The following GMDS variants were observed in gnomAD, a reference collection of about 807,000 sequenced individuals.
GMDS encodes the protein GDP-mannose 4,6 dehydratase.
GMDS carries 20 observed loss-of-function variants against 49.9 expected under a neutral mutation model. The ratio of observed to expected loss-of-function variants is 0.40; its 90% CI spans 0.28 to 0.58. The LOEUF (loss-of-function observed/expected upper bound fraction) is 0.58, where lower values mean the gene tolerates loss of function less well. GMDS is among the 20% of genes least tolerant of loss of function. The probability of loss-of-function intolerance (pLI) is 0.42; values close to 1 mark genes in which losing one functional copy is unlikely to be tolerated. For missense variants in GMDS, 362 were observed against 481.4 expected, an observed-to-expected ratio of 0.75 and a Z score of 2.32; for synonymous variants, 177 against 178.6, an observed-to-expected ratio of 0.99 and a Z score of 0.07.
chr6:1,956,295 A>T (rs886309710), intron 6 of GMDS, among the ~76,000 whole-genome samples: 1 of 152,198 alleles, frequency 6.6e-6, no homozygotes, highest in East Asian at 1.9e-4. Flanking sequence ...ATGATATATA[A>T]ACAAGTGCAT....
chr6:1,700,730 C>A (rs1765513600), intron 9 of GMDS, among the ~76,000 whole-genome samples: 1 of 152,194 alleles, frequency 6.6e-6, no homozygotes, highest in Non-Finnish European at 1.5e-5. Flanking sequence ...AGAAAGAAGA[C>A]TGCAGGTGCC....
At chr6:1,863,297 A>AG (rs1758281297) in intron 7 of GMDS, among the ~76,000 whole-genome samples, 1 of 152,186 alleles carries the variant, frequency 6.6e-6, no homozygotes, top group Admixed American at 6.5e-5. Context: ...CAAGTAAAAA[A>AG]GAAAATGTTT....
chr6:1,748,277 TTTC>T (rs1160470783), intron 7 of GMDS, among the ~76,000 whole-genome samples: 1 of 152,202 alleles, frequency 6.6e-6, no homozygotes, highest in Non-Finnish European at 1.5e-5. Flanking sequence ...TATATATTTA[TTTC>T]TTCTATTTAT....
intron 4 of GMDS, among the ~76,000 whole-genome samples, chr6:2,069,204 G>A (rs1156841926): frequency 6.6e-6 from 1 of 152,132 alleles, no homozygotes; most frequent in Non-Finnish European, 1.5e-5. Flanking sequence ...TGGGAAAACT[G>A]GCTAGCCCTA....
chr6:1,799,857 C>T (rs1205400744), intron 7 of GMDS, among the ~76,000 whole-genome samples: 14 of 152,182 alleles, frequency 9.2e-5, no homozygotes, highest in Non-Finnish European at 1.9e-4. Flanking sequence ...CACAAGAAAA[C>T]TCAACCACTA....
chr6:1,697,196 G>T (rs1765373801), intron 9 of GMDS, among the ~76,000 whole-genome samples: 1 of 152,170 alleles, frequency 6.6e-6, no homozygotes, highest in Admixed American at 6.5e-5. Flanking sequence ...CATCCCTAAA[G>T]ATTGTTGCAG....
intron 4 of GMDS, among the ~76,000 whole-genome samples, chr6:2,066,070 C>T (rs1220074649): frequency 1.3e-5 from 2 of 152,182 alleles, no homozygotes; most frequent in Non-Finnish European, 2.9e-5. Flanking sequence ...AAGCGGATCT[C>T]TCGGCAGAAA....
intron 9 of GMDS, among the ~76,000 whole-genome samples, chr6:1,688,475 C>G (rs1581461038): frequency 6.6e-6 from 1 of 152,340 alleles, no homozygotes; most frequent in East Asian, 1.9e-4. Flanking sequence ...CTCCAGTTCC[C>G]TCCACCTTCT....
intron 4 of GMDS, among the ~76,000 whole-genome samples, chr6:2,012,666 A>T (rs557858054): frequency 6.6e-6 from 1 of 152,254 alleles, no homozygotes; most frequent in Non-Finnish European, 1.5e-5. Flanking sequence ...AATATAGAGA[A>T]TGGCGGTTGA....
intron 4 of GMDS, among the ~76,000 whole-genome samples, chr6:1,971,517 G>C (rs1226254771): frequency 6.6e-6 from 1 of 152,134 alleles, no homozygotes; most frequent in Non-Finnish European, 1.5e-5. Flanking sequence ...GTATGCTCAA[G>C]GCATATTAAG....
At chr6:1,971,564 G>C (rs1484638329) in intron 4 of GMDS, among the ~76,000 whole-genome samples, 1 of 152,122 alleles carries the variant, frequency 6.6e-6, no homozygotes, top group East Asian at 1.9e-4. Context: ...GCTCAAAGTA[G>C]ACTAAGGGCT....
At chr6:2,212,707 T>TTAAA (rs372781515) in intron 1 of GMDS, among the ~76,000 whole-genome samples, 5 of 113,582 alleles carry the variant, frequency 4.4e-5, no homozygotes, top group African/African-American at 1.5e-4. Context: ...GATTAACTTG[T>TTAAA]AAAAAAAAAA....
chr6:2,034,623 T>G (rs931391545), intron 4 of GMDS, among the ~76,000 whole-genome samples: 3 of 152,232 alleles, frequency 2.0e-5, no homozygotes, highest in African/African-American at 7.2e-5. Context: ...GGGTTGCAAC[T>G]GGCTCACAGG....
At chr6:2,073,059 A>T (rs1241914230) in intron 4 of GMDS, among the ~76,000 whole-genome samples, 1 of 152,110 alleles carries the variant, frequency 6.6e-6, no homozygotes. Flanking sequence ...CCACCATGGG[A>T]TGTTTAGGTT....
At chr6:1,685,207 G>T (rs887714468) in intron 9 of GMDS, among the ~76,000 whole-genome samples, 1 of 79,990 alleles carries the variant, frequency 1.3e-5, no homozygotes, top group Non-Finnish European at 2.6e-5. Context: ...GATCAGCCTG[G>T]TCAACATGGT....
chr6:2,238,443 T>C (rs539344244), intron 1 of GMDS, among the ~76,000 whole-genome samples: 109 of 152,250 alleles, frequency 7.2e-4, no homozygotes, highest in African/African-American at 2.6e-3. Context: ...ACTATTACCA[T>C]CCAACCTGTC....
rs578233654 is a variant in GMDS at position 1,763,029 on chromosome 6, G to A, written c.772-20443C>T. Among the ~76,000 whole-genome samples the A allele has an allele frequency of 3.9e-5, 6 of 152,312 alleles. No individual in the cohort carries two copies. In the East Asian group the frequency reaches 1.2e-3, roughly 29 times the overall value. ...TGTTTAGTGTACTTTTACTGCTCTTGAAAATGAGCTGGTAAATACATGTGG... is the reference window on the plus strand; with the variant it reads ...TGTTTAGTGTACTTTTACTGCTCTTAAAAATGAGCTGGTAAATACATGTGG... On this transcript the variant is annotated intron_variant, in intron 7 of 10. Coordinates refer to ENST00000380815, the MANE Select transcript of GMDS (RefSeq NM_001500.4).
intron 9 of GMDS, among the ~76,000 whole-genome samples, chr6:1,700,001 C>T (rs770257948): frequency 1.3e-4 from 20 of 152,150 alleles, no homozygotes; most frequent in Admixed American, 6.5e-4. Flanking sequence ...GCAGCTCACA[C>T]GTGCAGAATG....
At chr6:1,999,197 C>T (rs1766495366) in intron 4 of GMDS, among the ~76,000 whole-genome samples, 1 of 151,786 alleles carries the variant, frequency 6.6e-6, no homozygotes, top group Non-Finnish European at 1.5e-5. Flanking sequence ...TGGTGCATGC[C>T]TGTAATTCCA....
Sources: allele counts gnomAD v4.1 joint callset (sites outside exome capture counted in the v4.1 genomes callset), GRCh38; gene constraint gnomAD v4.1.1; transcripts MANE v1.5; gene names NCBI Gene and HGNC (gene_info 2026-07-23, HGNC 2026-07-21).